Variants in PTPRR observed in about 807,000 individuals in gnomAD.
The protein encoded by PTPRR is protein tyrosine phosphatase receptor type R, also known as receptor-type tyrosine-protein phosphatase R.
PTPRR carries 38 observed loss-of-function variants against 77.2 expected under a neutral mutation model. That is an observed-to-expected ratio of 0.49 (90% CI 0.38 to 0.65). The LOEUF (loss-of-function observed/expected upper bound fraction) is 0.65, where lower values mean the gene tolerates loss of function less well. PTPRR is among the 30% of genes least tolerant of loss of function. The pLI, the probability that PTPRR is intolerant of heterozygous loss-of-function variation, is 0.00. For synonymous variants in PTPRR, 299 were observed against 283.1 expected, an observed-to-expected ratio of 1.06 and a Z score of -0.57; for missense variants, 744 against 799.2, an observed-to-expected ratio of 0.93 and a Z score of 0.83.
At chr12:70,809,281 G>A (rs1419676428) in intron 2 of PTPRR, among the ~76,000 whole-genome samples, 1 of 152,148 alleles carries the variant, frequency 6.6e-6, no homozygotes, top group Non-Finnish European at 1.5e-5. Flanking sequence ...AAAGTACAAA[G>A]CCAGAAGGCA....
intron 3 of PTPRR, among the ~76,000 whole-genome samples, chr12:70,763,684 C>A (rs1178355997): frequency 6.6e-6 from 1 of 152,184 alleles, no homozygotes; most frequent in African/African-American, 2.4e-5. Flanking sequence ...AGAAGCACAG[C>A]AATTTAAGGC....
chr12:70,646,122 G>A (rs560690267), intron 13 of PTPRR, among the ~76,000 whole-genome samples: 95 of 152,244 alleles, frequency 6.2e-4, no homozygotes, highest in Admixed American at 5.9e-3. Flanking sequence ...GGTAAAGTTT[G>A]GTACAGTAAA....
intron 1 of PTPRR, among the ~76,000 whole-genome samples, chr12:70,900,756 A>G (rs970500511): frequency 6.6e-6 from 1 of 151,672 alleles, no homozygotes; most frequent in African/African-American, 2.4e-5. Context: ...CAAATTTCCA[A>G]TAGGTAAATG....
intron 2 of PTPRR, among the ~76,000 whole-genome samples, chr12:70,805,046 T>G (rs1335446755): frequency 6.6e-6 from 1 of 152,214 alleles, no homozygotes; most frequent in Non-Finnish European, 1.5e-5. Flanking sequence ...ATATCATTAA[T>G]TTTTCTTTCA....
At chr12:70,836,914 A>G (rs1892313896) in intron 2 of PTPRR, among the ~76,000 whole-genome samples, 1 of 152,100 alleles carries the variant, frequency 6.6e-6, no homozygotes, top group African/African-American at 2.4e-5. Context: ...ATAAACCTCT[A>G]TGTAAACATT....
intron 6 of PTPRR, among the ~76,000 whole-genome samples, chr12:70,708,875 A>C (rs1255427101): frequency 3.3e-5 from 5 of 151,792 alleles, no homozygotes; most frequent in Non-Finnish European, 7.4e-5. Context: ...AATACAATGA[A>C]TAACCTCCTG....
chr12:70,810,184 C>A (rs1411622700), intron 2 of PTPRR, among the ~76,000 whole-genome samples: 1 of 152,094 alleles, frequency 6.6e-6, no homozygotes, highest in African/African-American at 2.4e-5. Flanking sequence ...TAAAGAGCTA[C>A]CCTGAAGTTA....
At chr12:70,864,525 C>T (rs1892807198) in intron 2 of PTPRR, among the ~76,000 whole-genome samples, 1 of 152,176 alleles carries the variant, frequency 6.6e-6, no homozygotes, top group South Asian at 2.1e-4. Flanking sequence ...ATTAAGTTCT[C>T]ATAAATGTAA....
chr12:70,821,256 A>C (rs1892007105), intron 2 of PTPRR, among the ~76,000 whole-genome samples: 1 of 43,532 alleles, frequency 2.3e-5, no homozygotes, highest in Non-Finnish European at 5.3e-5. Flanking sequence ...ACAGAGTTTC[A>C]CTCTGTCCCC....
At chr12:70,760,542 C>T (rs1890668192) in intron 4 of PTPRR, among the ~76,000 whole-genome samples, 1 of 152,124 alleles carries the variant, frequency 6.6e-6, no homozygotes, top group Admixed American at 6.5e-5. Flanking sequence ...ATCTGTAATC[C>T]CAGCACTTTT....
chr12:70,899,661 A>C (rs975747137), intron 1 of PTPRR, among the ~76,000 whole-genome samples: 1 of 151,442 alleles, frequency 6.6e-6, no homozygotes, highest in Non-Finnish European at 1.5e-5. Context: ...GACAAGGACA[A>C]GGCACCCATA....
intron 6 of PTPRR, among the ~76,000 whole-genome samples, chr12:70,707,267 T>C (rs1888652037): frequency 6.6e-6 from 1 of 152,120 alleles, no homozygotes; most frequent in Non-Finnish European, 1.5e-5. Flanking sequence ...ATAATACCCA[T>C]ATTTAGAGTA....
At chr12:70,672,580 G>C in intron 10 of PTPRR, 1 of 1,425,526 alleles carries the variant, frequency 7.0e-7, no homozygotes, top group South Asian at 1.1e-5. Context: ...CCTTGCCTTG[G>C]TGACCAAGGA....
chr12:70,896,678 A>C (rs1369536537), intron 1 of PTPRR, among the ~76,000 whole-genome samples: 1 of 151,818 alleles, frequency 6.6e-6, no homozygotes, highest in African/African-American at 2.4e-5. Context: ...AACTGAACTA[A>C]AATAAAAATA....
rs1888713527 is a variant in PTPRR at position 70,708,815 on chromosome 12, A to AC, written c.1008-7493_1008-7492insG. 2.4e-3 allele frequency among the ~76,000 whole-genome samples: 213 copies of AC among 89,024 alleles called. 1 individual carries two copies. Among genetic ancestry groups the AC allele is most frequent in the Admixed American group, 3.9e-3 (31 of 8,004 alleles). 58.4% of individuals were successfully genotyped at this position (89,024 alleles called of 152,430 possible). A position where few individuals can be genotyped will look rare whatever the true frequency, so the allele number is the denominator to read the frequency against. ...TGATTTAAATATAAATACAAATACA[A>AC]ACACACACACACACACACACACACA... On this transcript the variant is annotated intron_variant, in intron 6 of 13. Coordinates refer to ENST00000283228, the MANE Select transcript of PTPRR (RefSeq NM_002849.4).
intron 2 of PTPRR, among the ~76,000 whole-genome samples, chr12:70,868,611 T>G (rs891102741): frequency 6.6e-6 from 1 of 152,096 alleles, no homozygotes; most frequent in Non-Finnish European, 1.5e-5. Flanking sequence ...AGTTCAACCC[T>G]TGTGGAAGTC....
At chr12:70,909,459 G>A (rs1296012424) in intron 1 of PTPRR, among the ~76,000 whole-genome samples, 1 of 152,130 alleles carries the variant, frequency 6.6e-6, no homozygotes. Context: ...CACATTTCAT[G>A]CTGGCACTCC....
intron 2 of PTPRR, among the ~76,000 whole-genome samples, chr12:70,887,327 C>T (rs1404009930): frequency 6.6e-6 from 1 of 152,018 alleles, no homozygotes; most frequent in Non-Finnish European, 1.5e-5. Flanking sequence ...TGGTCCGTGC[C>T]TATCGTCCCA....
intron 10 of PTPRR, among the ~76,000 whole-genome samples, chr12:70,666,879 AAT>A (rs1291347113): frequency 1.3e-5 from 2 of 149,778 alleles, no homozygotes; most frequent in Admixed American, 6.6e-5. Flanking sequence ...TTTAAAATAA[AAT>A]ACTTTTTTTA....
Sources: gnomAD v4.1 joint callset for allele counts (sites outside exome capture counted in the v4.1 genomes callset) on GRCh38, gnomAD v4.1.1 for gene constraint, MANE v1.5 for transcripts, NCBI Gene and HGNC (gene_info 2026-07-23, HGNC 2026-07-21) for gene names.